The following DOCK1 variants were observed in gnomAD, a reference collection of about 807,000 sequenced individuals.
DOCK1 encodes the protein dedicator of cytokinesis 1, also known as dedicator of cytokinesis protein 1.
In DOCK1, 138 loss-of-function variants were observed where a neutral mutation model predicts 262.7. That is an observed-to-expected ratio of 0.53 (90% CI 0.46 to 0.61). The LOEUF (loss-of-function observed/expected upper bound fraction) is 0.61. Ranked by LOEUF, DOCK1 falls within the 20% of genes least tolerant of loss-of-function variation. The probability of loss-of-function intolerance (pLI) is 0.00; values close to 1 mark genes in which losing one functional copy is unlikely to be tolerated. For missense variants in DOCK1, 1,908 were observed against 2,370.7 expected (o/e 0.80, Z 4.05); for synonymous variants, 866 against 867.4 (o/e 1.00, Z 0.03).
At position 127,384,811 on chromosome 10, in the gene DOCK1, GCCCAC is replaced by G. The variant is rs1267432751; in HGVS notation, c.3831_3835del (p.Leu1279ProfsTer46). ...TTAGTGGTCGGAGGATGTGTGTGTG[GCCCAC>G]CTCACCCAGCGGGACGGGTACCAGG... is the stretch of plus-strand genomic sequence containing the variant. On this transcript the variant is annotated frameshift_variant, in exon 38 of 52. Coordinates refer to ENST00000623213, the MANE Select transcript of DOCK1 (RefSeq NM_001290223.2). LOFTEE classifies it high-confidence loss of function. The G allele has an allele frequency of 6.3e-7, 1 of 1,599,600 alleles. No individual in the cohort carries two copies. The highest frequency in any genetic ancestry group is 2.3e-5 in the East Asian group (1 of 44,156).
At chr10:127,090,927 G>A (rs1483574714) in intron 23 of DOCK1, among the ~76,000 whole-genome samples, 3 of 151,480 alleles carry the variant, frequency 2.0e-5, no homozygotes, top group African/African-American at 4.9e-5. Flanking sequence ...TTTGGCTGTA[G>A]CGTATAGAGC....
At chr10:127,197,975 G>GA (rs2057290106) in intron 27 of DOCK1, among the ~76,000 whole-genome samples, 1 of 152,190 alleles carries the variant, frequency 6.6e-6, no homozygotes, top group Non-Finnish European at 1.5e-5. Flanking sequence ...CAGCCTTGGG[G>GA]ATCCAGATAT....
intron 27 of DOCK1, among the ~76,000 whole-genome samples, chr10:127,212,810 CAA>C (rs1419813369): frequency 1.4e-4 from 6 of 41,926 alleles, no homozygotes; most frequent in Admixed American, 2.4e-4. Context: ...CACCCCTTGC[CAA>C]AAAAAAAAAA....
In DOCK1 at chr10:127,373,709, C is replaced by G; in HGVS notation, c.3433-72C>G. 3.7e-6 allele frequency: 5 copies of G among 1,366,242 alleles called. No homozygotes were observed. In the South Asian group the frequency reaches 5.0e-5, roughly 14 times the overall value. 84.6% of individuals were successfully genotyped at this position (1,366,242 alleles called of 1,614,324 possible). Reference sequence around the variant, plus strand: ...ATGATCTCTCTTGCCGATTTATGTTCTATTGACACTCAAGTCATAAAATGA... The same window carrying G: ...ATGATCTCTCTTGCCGATTTATGTTGTATTGACACTCAAGTCATAAAATGA... On this transcript the variant is annotated intron_variant, in intron 33 of 51. Coordinates refer to ENST00000623213, the MANE Select transcript of DOCK1 (RefSeq NM_001290223.2).
Position 127,277,718 on chromosome 10 carries a change from G to A in DOCK1, c.3044+20289G>A, listed in dbSNP as rs75577277. ...GCAGAGGTTGCAGTAAGCCAGAACTGTACCACGGTACTCCAGCCTGGGTGA... is the reference window on the plus strand; with the variant it reads ...GCAGAGGTTGCAGTAAGCCAGAACTATACCACGGTACTCCAGCCTGGGTGA... On this transcript the variant is annotated intron_variant, in intron 29 of 51. Coordinates refer to ENST00000623213, the MANE Select transcript of DOCK1 (RefSeq NM_001290223.2). Among the ~76,000 whole-genome samples the A allele has an allele frequency of 3.3e-3, 495 of 152,240 alleles. 2 individuals are homozygous for A. Among genetic ancestry groups the A allele is most frequent in the African/African-American group, 0.01 (427 of 41,540 alleles).
At chr10:127,295,827 T>C (rs1300198920) in intron 29 of DOCK1, among the ~76,000 whole-genome samples, 1 of 152,206 alleles carries the variant, frequency 6.6e-6, no homozygotes, top group East Asian at 1.9e-4. Context: ...TACATTAAGT[T>C]CCTTTTGTTC....
At chr10:127,029,119 A>T (rs1427488605) in intron 16 of DOCK1, among the ~76,000 whole-genome samples, 1 of 152,248 alleles carries the variant, frequency 6.6e-6, no homozygotes, top group Non-Finnish European at 1.5e-5. Flanking sequence ...TATAGACAAG[A>T]TGCTATCACC....
intron 22 of DOCK1, 43 bp from the exon 23 acceptor site, chr10:127,061,625 G>A (rs777088105): frequency 3.3e-6 from 5 of 1,515,202 alleles, no homozygotes; most frequent in African/African-American, 1.4e-5. Context: ...AAAATGTTGA[G>A]GTGTTTCTGC....
chr10:126,956,192 C>T (rs1353834957), intron 1 of DOCK1, among the ~76,000 whole-genome samples: 1 of 152,222 alleles, frequency 6.6e-6, no homozygotes, highest in Non-Finnish European at 1.5e-5. Flanking sequence ...GCCGCCTGTG[C>T]CTCAGAAGAG....
At chr10:127,053,065 G>A (rs903029053) in intron 22 of DOCK1, among the ~76,000 whole-genome samples, 5 of 152,302 alleles carry the variant, frequency 3.3e-5, no homozygotes, top group Admixed American at 2.6e-4. Context: ...CCTGTGAGTC[G>A]AGCCTTGGCT....
At chr10:127,121,726 G>T (rs917028327) in intron 25 of DOCK1, among the ~76,000 whole-genome samples, 68 of 152,316 alleles carry the variant, frequency 4.5e-4, no homozygotes, top group African/African-American at 1.6e-3. Context: ...GTACTGGATA[G>T]TGCAGCTGTA....
intron 30 of DOCK1, among the ~76,000 whole-genome samples, chr10:127,341,761 G>A (rs1410729066): frequency 1.3e-5 from 2 of 152,146 alleles, no homozygotes; most frequent in African/African-American, 4.8e-5. Context: ...TACAAGCCAC[G>A]TGCTTCAGGG....
At chr10:127,341,176 T>C (rs1367483480) in intron 30 of DOCK1, among the ~76,000 whole-genome samples, 2 of 152,294 alleles carry the variant, frequency 1.3e-5, no homozygotes, top group African/African-American at 4.8e-5. Flanking sequence ...CTTCACTTTT[T>C]CCCACGTCAT....
intron 43 of DOCK1, among the ~76,000 whole-genome samples, chr10:127,413,947 T>C (rs569109833): frequency 6.6e-6 from 1 of 152,160 alleles, no homozygotes; most frequent in South Asian, 2.1e-4. Flanking sequence ...AGTCTTGCTC[T>C]GTTGCCTAGG....
intron 1 of DOCK1, among the ~76,000 whole-genome samples, chr10:126,950,617 CTTTG>C (rs1230285853): frequency 4.7e-4 from 72 of 152,098 alleles, no homozygotes; most frequent in African/African-American, 1.6e-3. Context: ...TACAGTTACT[CTTTG>C]TTTGGGATGT....
intron 23 of DOCK1, among the ~76,000 whole-genome samples, chr10:127,089,380 C>G (rs936764542): frequency 2.6e-5 from 4 of 152,186 alleles, no homozygotes; most frequent in African/African-American, 9.7e-5. Context: ...CCTCGGGCCT[C>G]TTGCGCCTCC....
chr10:126,971,853 C>T (rs2038130505), intron 2 of DOCK1, among the ~76,000 whole-genome samples: 1 of 152,038 alleles, frequency 6.6e-6, no homozygotes. Flanking sequence ...CTGTAATCCC[C>T]ATTTTCTTGG....
chr10:127,004,129 C>G (rs1239061730), intron 10 of DOCK1, among the ~76,000 whole-genome samples: 2 of 151,832 alleles, frequency 1.3e-5, no homozygotes, highest in Non-Finnish European at 2.9e-5. Flanking sequence ...TGCTGTGTGC[C>G]TGTAATCCCA....
chr10:127,042,983 G>T, intron 20 of DOCK1, 81 bp from the exon 21 acceptor site: 1 of 827,994 alleles, frequency 1.2e-6, no homozygotes. Flanking sequence ...TCCTAACACA[G>T]GGGTGCAGAT....
Sources: allele counts gnomAD v4.1 joint callset (sites outside exome capture counted in the v4.1 genomes callset), GRCh38; gene constraint gnomAD v4.1.1; transcripts MANE v1.5; gene names NCBI Gene and HGNC (gene_info 2026-07-23, HGNC 2026-07-21).